The following NCALD variants were observed in gnomAD, a reference collection of about 807,000 sequenced individuals.
NCALD encodes neurocalcin-delta.
A neutral mutation model predicts 18.6 loss-of-function variants in NCALD; 10 were observed. The observed-to-expected ratio is 0.54, with a 90% confidence interval of 0.33 to 0.91. NCALD has a LOEUF of 0.91. NCALD is among the 40% of genes least tolerant of loss of function. The pLI is 0.03. For missense variants in NCALD, 184 were observed against 247.6 expected, an observed-to-expected ratio of 0.74 and a Z score of 1.72; for synonymous variants, 88 against 87.4, an observed-to-expected ratio of 1.01 and a Z score of -0.04.
chr8:101,691,346 C>T (rs1814721617), intron 3 of NCALD: 3 of 985,404 alleles, frequency 3.0e-6, no homozygotes, highest in Non-Finnish European at 3.6e-6. Context: ...GTAAGTTGTG[C>T]TCTGAGAATG....
chr8:101,963,015 C>T (rs1310434156), intron 2 of NCALD, among the ~76,000 whole-genome samples: 1 of 152,100 alleles, frequency 6.6e-6, no homozygotes, highest in Non-Finnish European at 1.5e-5. Context: ...TGATTCATAC[C>T]TTTTGCCAAT....
rs567859537 is a variant in NCALD at position 102,097,248 on chromosome 8, G to GA, written c.-210+26988dup. Among the ~76,000 whole-genome samples, 328 of 151,134 alleles carry GA rather than the reference G, an allele frequency of 2.2e-3. 3 individuals carry two copies. Among genetic ancestry groups the GA allele is most frequent in the African/African-American group, 7.7e-3 (319 of 41,234 alleles). On this transcript the variant is annotated intron_variant, in intron 1 of 6. Coordinates refer to the NCALD transcript ENST00000311028. ...GAACCACAGAGGAACTAGCACAGGA[G>GA]AAAAAAAAATAGTGAAAGACAAAGA...
At chr8:101,994,238 A>C (rs1821154738) in intron 2 of NCALD, among the ~76,000 whole-genome samples, 1 of 152,164 alleles carries the variant, frequency 6.6e-6, no homozygotes, top group Admixed American at 6.5e-5. Context: ...TTGGGAAGAG[A>C]AGCATCCTGT....
At chr8:102,016,902 G>A (rs1822101445) in intron 2 of NCALD, among the ~76,000 whole-genome samples, 2 of 152,164 alleles carry the variant, frequency 1.3e-5, no homozygotes, top group South Asian at 4.1e-4. Flanking sequence ...TGGCCTGGAT[G>A]TGAGAACAAT....
At chr8:101,871,247 G>A (rs903030122) in intron 4 of NCALD, among the ~76,000 whole-genome samples, 3 of 152,090 alleles carry the variant, frequency 2.0e-5, no homozygotes, top group African/African-American at 7.2e-5. Context: ...CCCAGTTCCT[G>A]CCCCCTTTTG....
intron 1 of NCALD, among the ~76,000 whole-genome samples, chr8:102,024,672 T>C (rs1353939188): frequency 2.0e-5 from 3 of 152,194 alleles, no homozygotes; most frequent in African/African-American, 7.2e-5. Flanking sequence ...TGTCTTCTGG[T>C]CTCCACCCCA....
At chr8:101,960,232 A>G (rs1352405610) in intron 2 of NCALD, among the ~76,000 whole-genome samples, 2 of 152,182 alleles carry the variant, frequency 1.3e-5, no homozygotes, top group Non-Finnish European at 2.9e-5. Flanking sequence ...CCAGTGTCCA[A>G]AAGATAATGG....
At chr8:101,815,435 A>G (rs1320281561) in intron 4 of NCALD, among the ~76,000 whole-genome samples, 1 of 152,172 alleles carries the variant, frequency 6.6e-6, no homozygotes, top group Non-Finnish European at 1.5e-5. Flanking sequence ...ATCTAGAAAA[A>G]GGACTCTTAA....
chr8:101,980,216 C>T (rs28477614), intron 2 of NCALD, among the ~76,000 whole-genome samples: 36,328 of 152,134 alleles, frequency 0.24, 5,010 homozygotes, highest in Non-Finnish European at 0.3. Flanking sequence ...CCCCACTCCC[C>T]ATCTTCTCCC....
chr8:101,840,082 A>G lies in NCALD; in HGVS notation c.-20+47059T>C, dbSNP rs185874282. ...AAATGAAGTACTCTTAAATGTGTAA[A>G]AACATCATTATCTGTCATCCATAAG... On this transcript the variant is annotated intron_variant, in intron 4 of 6. Coordinates refer to the NCALD transcript ENST00000311028. 5.3e-5 allele frequency among the ~76,000 whole-genome samples: 8 copies of G among 152,102 alleles called. No individual in the cohort carries two copies. In the South Asian group the frequency reaches 1.7e-3, roughly 32 times the overall value.
chr8:101,725,902 T>G (rs1430700852), intron 1 of NCALD, among the ~76,000 whole-genome samples: 1 of 150,100 alleles, frequency 6.7e-6, no homozygotes, highest in South Asian at 2.2e-4. Context: ...GAGAAGGGAG[T>G]TGTGGAATGC....
At chr8:101,792,072 C>T (rs1812467190), upstream of NCALD, among the ~76,000 whole-genome samples, 1 of 152,108 alleles carries the variant, frequency 6.6e-6, no homozygotes, top group Admixed American at 6.6e-5. Flanking sequence ...AATGTATGCC[C>T]AAACAAAGGA....
chr8:101,859,568 C>T (rs1030015886), intron 4 of NCALD, among the ~76,000 whole-genome samples: 1 of 151,954 alleles, frequency 6.6e-6, no homozygotes, highest in African/African-American at 2.4e-5. Context: ...GATAAAGACC[C>T]CTTAGCAAAT....
At chr8:101,842,922 A>G (rs1814703736) in intron 4 of NCALD, among the ~76,000 whole-genome samples, 2 of 152,066 alleles carry the variant, frequency 1.3e-5, no homozygotes, top group South Asian at 4.1e-4. Context: ...GGTTGGGGGG[A>G]AGATGAGAAG....
intron 2 of NCALD, among the ~76,000 whole-genome samples, chr8:101,989,107 T>G (rs1221595933): frequency 6.6e-6 from 1 of 152,182 alleles, no homozygotes; most frequent in Non-Finnish European, 1.5e-5. Context: ...AATTTGGTGC[T>G]CTACTGGGAC....
intron 1 of NCALD, among the ~76,000 whole-genome samples, chr8:102,055,625 G>C (rs1349363009): frequency 6.6e-6 from 1 of 152,208 alleles, no homozygotes; most frequent in Non-Finnish European, 1.5e-5. Flanking sequence ...ATAGTCCATT[G>C]ACTCAGACAT....
intron 3 of NCALD, among the ~76,000 whole-genome samples, chr8:101,892,772 G>T (rs1816963541): frequency 6.7e-6 from 1 of 150,292 alleles, no homozygotes; most frequent in Non-Finnish European, 1.5e-5. Context: ...AGCAATGGAA[G>T]ATGAAATGAA....
intron 4 of NCALD, among the ~76,000 whole-genome samples, chr8:101,814,391 C>G (rs1331624770): frequency 6.6e-6 from 1 of 151,910 alleles, no homozygotes; most frequent in Admixed American, 6.6e-5. Flanking sequence ...AGAAATATCA[C>G]ACGATTATAT....
intron 4 of NCALD, among the ~76,000 whole-genome samples, chr8:101,874,060 A>C (rs1816127739): frequency 6.6e-6 from 1 of 152,248 alleles, no homozygotes; most frequent in South Asian, 2.1e-4. Context: ...ATCTTTCTAC[A>C]TTTTGCTGCT....
Sources: gnomAD v4.1 joint callset for allele counts (sites outside exome capture counted in the v4.1 genomes callset) on GRCh38, gnomAD v4.1.1 for gene constraint, MANE v1.5 for transcripts, NCBI Gene and HGNC (gene_info 2026-07-23, HGNC 2026-07-21) for gene names.